The following DLGAP2 variants were observed in gnomAD, a reference collection of about 807,000 sequenced individuals.
The protein encoded by DLGAP2 is DLG associated protein 2.
A neutral mutation model predicts 100.3 loss-of-function variants in DLGAP2; 26 were observed. That is an observed-to-expected ratio of 0.26 (90% CI 0.19 to 0.36). The LOEUF is 0.36. Ranked by LOEUF, DLGAP2 falls within the 10% of genes least tolerant of loss-of-function variation. DLGAP2 has a pLI of 1.00. For missense variants in DLGAP2, 1,858 were observed against 1,453.2 expected (o/e 1.28, Z -4.53); for synonymous variants, 886 against 630.1 (o/e 1.41, Z -6.08).
intron 2 of DLGAP2, among the ~76,000 whole-genome samples, chr8:1,140,906 C>G (rs1474017280): frequency 2.0e-5 from 3 of 152,196 alleles, no homozygotes; most frequent in African/African-American, 7.2e-5. Flanking sequence ...ATCGCTTGAA[C>G]CGGGGGGTGG....
intron 3 of DLGAP2, among the ~76,000 whole-genome samples, chr8:1,379,448 C>T (rs989987124): frequency 1.3e-5 from 2 of 152,242 alleles, no homozygotes; most frequent in Admixed American, 6.5e-5. Context: ...AGGCAGCCTC[C>T]GTCTGCCGAG....
chr8:1,471,508 G>A (rs1437937851), intron 3 of DLGAP2, among the ~76,000 whole-genome samples: 1 of 151,032 alleles, frequency 6.6e-6, no homozygotes, highest in Non-Finnish European at 1.5e-5. Flanking sequence ...GGCCAACCCA[G>A]CCTCTGCGAT....
chr8:1,595,301 CATAA>C (rs1796417519), intron 6 of DLGAP2, among the ~76,000 whole-genome samples: 1 of 151,966 alleles, frequency 6.6e-6, no homozygotes, highest in Non-Finnish European at 1.5e-5. Context: ...TGACAAATAA[CATAA>C]ATAACATACA....
At chr8:1,503,745 G>A (rs1475671097) in intron 4 of DLGAP2, among the ~76,000 whole-genome samples, 1 of 152,170 alleles carries the variant, frequency 6.6e-6, no homozygotes. Flanking sequence ...CTTGCCATGG[G>A]GTGGGGGTTG....
chr8:1,553,061 G>T (rs1282811700), intron 5 of DLGAP2, among the ~76,000 whole-genome samples: 1 of 152,160 alleles, frequency 6.6e-6, no homozygotes, highest in African/African-American at 2.4e-5. Flanking sequence ...TCCCAGGGAC[G>T]TGCAGGGAGG....
intron 1 of DLGAP2, among the ~76,000 whole-genome samples, chr8:755,563 A>G (rs531366051): frequency 6.6e-6 from 1 of 152,320 alleles, no homozygotes; most frequent in South Asian, 2.1e-4. Flanking sequence ...AGCCCAGCGG[A>G]GAAGCGGCAT....
chr8:1,258,583 G>C (rs891953762), intron 2 of DLGAP2, among the ~76,000 whole-genome samples: 1 of 151,148 alleles, frequency 6.6e-6, no homozygotes, highest in African/African-American at 2.4e-5. Context: ...ATGTATCCCA[G>C]AACTTAGTAA....
At chr8:1,532,041 G>A (rs945399232) in intron 4 of DLGAP2, among the ~76,000 whole-genome samples, 23 of 152,190 alleles carry the variant, frequency 1.5e-4, no homozygotes, top group African/African-American at 5.3e-4. Flanking sequence ...TCATAGGAAG[G>A]TGAGAGACAC....
At chr8:1,123,241 A>C (rs1585081698) in intron 2 of DLGAP2, among the ~76,000 whole-genome samples, 1 of 152,224 alleles carries the variant, frequency 6.6e-6, no homozygotes, top group Non-Finnish European at 1.5e-5. Flanking sequence ...TTTGCATTCT[A>C]AAATGTAAAG....
At chr8:1,042,458 C>G (rs1802380906) in intron 2 of DLGAP2, among the ~76,000 whole-genome samples, 1 of 152,190 alleles carries the variant, frequency 6.6e-6, no homozygotes, top group African/African-American at 2.4e-5. Context: ...AACGTGAGCC[C>G]TCAAAGGAAG....
chr8:1,359,775 CTTG>C (rs908084775), intron 3 of DLGAP2, among the ~76,000 whole-genome samples: 2 of 152,242 alleles, frequency 1.3e-5, no homozygotes, highest in African/African-American at 4.8e-5. Flanking sequence ...TTAGTATTCC[CTTG>C]TTGTGATTTG....
intron 2 of DLGAP2, among the ~76,000 whole-genome samples, chr8:1,232,151 C>A (rs942658563): frequency 1.3e-5 from 2 of 152,182 alleles, no homozygotes; most frequent in East Asian, 1.9e-4. Context: ...GTCCCCTTCA[C>A]GACTGGGTGG....
intron 2 of DLGAP2, among the ~76,000 whole-genome samples, chr8:1,227,007 A>G (rs1165171497): frequency 6.6e-6 from 1 of 150,922 alleles, no homozygotes; most frequent in Non-Finnish European, 1.5e-5. Context: ...CTGTCTTCTG[A>G]TTGTACCCAA....
intron 3 of DLGAP2, among the ~76,000 whole-genome samples, chr8:1,465,145 C>T (rs1361835460): frequency 6.6e-6 from 1 of 152,226 alleles, no homozygotes; most frequent in Non-Finnish European, 1.5e-5. Context: ...GTCCCCAAGA[C>T]CACCCACGAC....
chr8:1,538,076 C>T (rs1801217237), intron 4 of DLGAP2, among the ~76,000 whole-genome samples: 1 of 152,168 alleles, frequency 6.6e-6, no homozygotes, highest in African/African-American at 2.4e-5. Flanking sequence ...CCTGGGGCAC[C>T]TGCAGGGCTC....
intron 1 of DLGAP2, among the ~76,000 whole-genome samples, chr8:753,208 C>G (rs1820836538): frequency 6.6e-6 from 1 of 152,172 alleles, no homozygotes; most frequent in East Asian, 1.9e-4. Flanking sequence ...GTCACTTACG[C>G]AGAGGAGGGG....
intron 2 of DLGAP2, among the ~76,000 whole-genome samples, chr8:1,012,496 C>T (rs1801320024): frequency 6.7e-6 from 1 of 150,314 alleles, no homozygotes; most frequent in South Asian, 2.1e-4. Context: ...TGACCAGCCC[C>T]CCACTTCAGC....
chr8:1,504,344 A>G (rs558894930), intron 4 of DLGAP2, among the ~76,000 whole-genome samples: 17 of 152,254 alleles, frequency 1.1e-4, no homozygotes, highest in South Asian at 8.3e-4. Context: ...ACGTTGTGAG[A>G]TAAGTCAACA....
chr8:1,432,788 G>C (rs548743150), intron 3 of DLGAP2, among the ~76,000 whole-genome samples: 5 of 152,210 alleles, frequency 3.3e-5, no homozygotes, highest in African/African-American at 1.2e-4. Flanking sequence ...TCCCGCGATC[G>C]CGTGTTTGGA....
Sources: allele counts gnomAD v4.1 joint callset (sites outside exome capture counted in the v4.1 genomes callset), GRCh38; gene constraint gnomAD v4.1.1; transcripts MANE v1.5; gene names NCBI Gene and HGNC (gene_info 2026-07-23, HGNC 2026-07-21).